The following CLINT1 variants were observed in gnomAD, a reference collection of about 807,000 sequenced individuals.
CLINT1 encodes the protein clathrin interactor 1, also known as clathrin interacting protein localized in the trans-Golgi region.
CLINT1 carries 15 observed loss-of-function variants against 70.4 expected under a neutral mutation model. The observed-to-expected ratio is 0.21, with a 90% CI of 0.14 to 0.33. The LOEUF (loss-of-function observed/expected upper bound fraction) is 0.33. Among genes scored for constraint, CLINT1 ranks in the 10% least tolerant of loss-of-function variants. The probability of loss-of-function intolerance (pLI) is 1.00; values close to 1 mark genes in which losing one functional copy is unlikely to be tolerated. For synonymous variants in CLINT1, 227 were observed against 254.7 expected (o/e 0.89, Z 1.04); for missense variants, 615 against 778.1 (o/e 0.79, Z 2.49).
intron 5 of CLINT1, among the ~76,000 whole-genome samples, chr5:157,811,332 A>C (rs960198081): frequency 3.3e-5 from 5 of 152,146 alleles, no homozygotes; most frequent in African/African-American, 1.2e-4. Context: ...ACTTGAGGTC[A>C]GGAGTTCAAG....
rs973437227 is a variant in CLINT1, at chr5:157,785,818, A to C, written c.*1828T>G. On this transcript the variant is annotated 3_prime_UTR_variant, in exon 12 of 12. Coordinates refer to ENST00000411809, the MANE Select transcript of CLINT1 (RefSeq NM_014666.4). Reference sequence around the variant, plus strand: ...AGTGAAGATATACTTCTTAAAGAAAAAATTTACTTAAGATGATCGGTTTTA... The same window carrying C: ...AGTGAAGATATACTTCTTAAAGAAACAATTTACTTAAGATGATCGGTTTTA... The C allele has an allele frequency of 2.6e-5, 4 of 152,208 alleles. No individual in the cohort carries two copies. The highest frequency in any genetic ancestry group is 4.8e-5 in the African/African-American group (2 of 41,464). 9.4% of individuals were successfully genotyped at this position (152,208 alleles called of 1,614,324 possible). A position where few individuals can be genotyped will look rare whatever the true frequency, so the allele number is the denominator to read the frequency against.
intron 1 of CLINT1, among the ~76,000 whole-genome samples, chr5:157,844,482 T>C (rs1366647490): frequency 6.6e-6 from 1 of 152,200 alleles, no homozygotes; most frequent in African/African-American, 2.4e-5. Context: ...ACAGGGCTTG[T>C]GGTTACTATT....
chr5:157,850,650 A>T lies in CLINT1; in HGVS notation c.41+8280T>A, dbSNP rs373626178. Among the ~76,000 whole-genome samples, 58 of 150,380 alleles carry T rather than the reference A, an allele frequency of 3.9e-4. No individual in the cohort carries two copies. In the East Asian group the frequency reaches 8.8e-3, roughly 23 times the overall value. On this transcript the variant is annotated intron_variant, in intron 1 of 11. Coordinates refer to ENST00000411809, the MANE Select transcript of CLINT1 (RefSeq NM_014666.4). Reference sequence around the variant, plus strand: ...AAAAAAAAAAAAAAATTATTTAACCATGGGGGTTTAACTACAAATTAAGAC... The same window carrying T: ...AAAAAAAAAAAAAAATTATTTAACCTTGGGGGTTTAACTACAAATTAAGAC...
chr5:157,793,252 CAGTT>C (rs1361368421), intron 9 of CLINT1, among the ~76,000 whole-genome samples: 15 of 150,260 alleles, frequency 1.0e-4, no homozygotes, highest in Non-Finnish European at 1.5e-5. Context: ...AAGAGTTTTA[CAGTT>C]AGTTCTAGAT....
chr5:157,848,427 C>T (rs770511792), intron 1 of CLINT1, among the ~76,000 whole-genome samples: 4 of 147,680 alleles, frequency 2.7e-5, no homozygotes, highest in East Asian at 2.0e-4. Flanking sequence ...TTTATTGAGA[C>T]GCAGTCTCGC....
chr5:157,827,504 G>A (rs767450826), intron 1 of CLINT1, among the ~76,000 whole-genome samples: 5 of 152,064 alleles, frequency 3.3e-5, no homozygotes, highest in Non-Finnish European at 7.4e-5. Flanking sequence ...CTTAAAGTCT[G>A]TCATTTAATT....
At chr5:157,792,243 T>C (rs569229175) in intron 9 of CLINT1, among the ~76,000 whole-genome samples, 3 of 149,090 alleles carry the variant, frequency 2.0e-5, no homozygotes, top group East Asian at 2.0e-4. Context: ...AGGTGACACA[T>C]TGAATTTACC....
chr5:157,858,892 C>A, intron 1 of CLINT1, 38 bp downstream of exon 1: 1 of 1,372,898 alleles, frequency 7.3e-7, no homozygotes, highest in South Asian at 1.2e-5. Flanking sequence ...CCCCCTCCCC[C>A]ACGTGGGCCT....
At chr5:157,830,600 G>C (rs532021358) in intron 1 of CLINT1, among the ~76,000 whole-genome samples, 1 of 151,798 alleles carries the variant, frequency 6.6e-6, no homozygotes, top group Non-Finnish European at 1.5e-5. Flanking sequence ...CTAAGGGCTG[G>C]CAAGATGGTT....
At chr5:157,854,764 T>C (rs1204919696) in intron 1 of CLINT1, among the ~76,000 whole-genome samples, 1 of 152,140 alleles carries the variant, frequency 6.6e-6, no homozygotes, top group Non-Finnish European at 1.5e-5. Flanking sequence ...AAATGCAAGC[T>C]ATGCTTAGGA....
At chr5:157,855,208 C>T (rs1753719683) in intron 1 of CLINT1, among the ~76,000 whole-genome samples, 1 of 149,056 alleles carries the variant, frequency 6.7e-6, no homozygotes, top group South Asian at 2.2e-4. Flanking sequence ...AATATTACTC[C>T]TTGCAAGGAA....
intron 1 of CLINT1, among the ~76,000 whole-genome samples, chr5:157,854,886 G>A (rs1241848308): frequency 1.3e-5 from 2 of 152,100 alleles, no homozygotes; most frequent in Non-Finnish European, 2.9e-5. Context: ...GCTCATGCCT[G>A]TAATCCCAGC....
intron 7 of CLINT1, among the ~76,000 whole-genome samples, chr5:157,804,464 C>T (rs1353703779): frequency 6.6e-6 from 1 of 152,086 alleles, no homozygotes; most frequent in Non-Finnish European, 1.5e-5. Flanking sequence ...TGGGGAAACC[C>T]TAAGATCCTA....
At position 157,787,029 on chromosome 5, in the gene CLINT1, T is replaced by A. The variant is rs1470983814; in HGVS notation, c.*617A>T. 7 of 152,664 alleles carry A rather than the reference T, an allele frequency of 4.6e-5. No individual in the cohort carries two copies. The allele number at this position is 152,664 out of a possible 1,614,324, so 9.5% of individuals were successfully genotyped here. A position where few individuals can be genotyped will look rare whatever the true frequency, so the allele number is the denominator to read the frequency against. ...AATCACCAATTGCTTAAAGAGGTTT[T>A]GTTACAATAAAAATTTGGATAGTAT... On this transcript the variant is annotated 3_prime_UTR_variant, in exon 12 of 12. Coordinates refer to ENST00000411809, the MANE Select transcript of CLINT1 (RefSeq NM_014666.4).
intron 1 of CLINT1, among the ~76,000 whole-genome samples, chr5:157,819,239 A>G (rs927446279): frequency 6.6e-6 from 1 of 152,196 alleles, no homozygotes; most frequent in African/African-American, 2.4e-5. Context: ...AAACTGAATC[A>G]ATCTGGCTTT....
At chr5:157,854,515 C>T (rs1040304473) in intron 1 of CLINT1, among the ~76,000 whole-genome samples, 2 of 152,200 alleles carry the variant, frequency 1.3e-5, no homozygotes, top group Non-Finnish European at 1.5e-5. Context: ...GCCTGGACAA[C>T]TGAGTGTGAC....
At chr5:157,829,354 T>C (rs1763145780) in intron 1 of CLINT1, among the ~76,000 whole-genome samples, 4 of 152,196 alleles carry the variant, frequency 2.6e-5, no homozygotes, top group Admixed American at 2.6e-4. Context: ...AAAACAGTAG[T>C]CTAAATGATG....
intron 1 of CLINT1, among the ~76,000 whole-genome samples, chr5:157,822,110 C>T (rs903348552): frequency 6.6e-6 from 1 of 152,088 alleles, no homozygotes; most frequent in Non-Finnish European, 1.5e-5. Context: ...ATAATTCCCA[C>T]GTGTTGTGGG....
chr5:157,787,881 G>C lies in CLINT1; in HGVS notation c.1643C>G (p.Pro548Arg). ...CACATTGGGCATGCTCATAGGCATG[G>C]GTCCCCCTATCAAAGCATTAGTTTG... ...RPQTNALIGG[P>R]MPMSMPNVMT... Residue 548 changes from proline (P) to arginine (R), a missense_variant, in exon 12 of 12, where the codon CCC (proline) becomes CGC (arginine). Physicochemically the swap from Pro to Arg is moderately radical, Grantham distance 103. Transcript: ENST00000411809. 6.2e-7 allele frequency: 1 copy of C among 1,613,776 alleles called. No homozygotes were observed.
Sources: allele counts gnomAD v4.1 joint callset (sites outside exome capture counted in the v4.1 genomes callset), GRCh38; gene constraint gnomAD v4.1.1; transcripts MANE v1.5; gene names NCBI Gene and HGNC (gene_info 2026-07-23, HGNC 2026-07-21).